ECE2: variants seen among roughly 807,000 people sequenced by gnomAD.
ECE2 encodes the protein endothelin-converting enzyme 2.
ECE2 carries 81 observed loss-of-function variants against 100.6 expected under a neutral mutation model. The observed-to-expected ratio is 0.81, with a 90% CI of 0.67 to 0.97. The LOEUF is 0.97. ECE2 is among the 50% of genes least tolerant of loss of function. ECE2 has a pLI of 0.00. For missense variants in ECE2, 911 were observed against 988.1 expected, an observed-to-expected ratio of 0.92 and a Z score of 1.05; for synonymous variants, 391 against 391.5, an observed-to-expected ratio of 1.00 and a Z score of 0.02.
At chr3:184,283,729 C>G in intron 7 of ECE2, 56 bp from the exon 8 acceptor site, 1 of 1,573,778 alleles carries the variant, frequency 6.4e-7, no homozygotes, top group South Asian at 1.2e-5. Context: ...AAGAACAGAT[C>G]TCAGCCTTGG....
intron 11 of ECE2, 132 bp downstream of exon 11, chr3:184,288,079 G>C: frequency 1.4e-6 from 1 of 727,546 alleles, no homozygotes; most frequent in Non-Finnish European, 2.3e-6. Context: ...GGGAGGCCAA[G>C]GCGGGTGAAT....
At position 184,291,878 on chromosome 3, in the gene ECE2, TG is replaced by T; in HGVS notation, c.2122-180del. ...CTGGGCAGCCACAGCAGGCAGCTTC[TG>T]GGGCTCCGCTTTTTCCCCTCGTCAT... On this transcript the variant is annotated intron_variant, in intron 18 of 18. Coordinates refer to ENST00000404464, the MANE Select transcript of ECE2 (RefSeq NM_001100121.2). The surrounding 1 kb of genome is among the most constrained non-coding windows in gnomAD (Gnocchi z 4.1). 3 of 647,408 alleles carry T rather than the reference TG, an allele frequency of 4.6e-6. No individual in the cohort carries two copies. Among genetic ancestry groups the T allele is most frequent in the Non-Finnish European group, 5.2e-6 (2 of 386,734 alleles). 40.1% of individuals were successfully genotyped at this position (647,408 alleles called of 1,614,324 possible). A position where few individuals can be genotyped will look rare whatever the true frequency, so the allele number is the denominator to read the frequency against.
At chr3:184,282,024 G>A (rs1342296101) in intron 7 of ECE2, among the ~76,000 whole-genome samples, 1 of 151,904 alleles carries the variant, frequency 6.6e-6, no homozygotes, top group African/African-American at 2.4e-5. Context: ...GCTTGAACCC[G>A]GGAGGCGGAG....
At chr3:184,284,431 A>T (rs1404056212) in intron 8 of ECE2, among the ~76,000 whole-genome samples, 3 of 151,500 alleles carry the variant, frequency 2.0e-5, no homozygotes, top group Non-Finnish European at 4.4e-5. Flanking sequence ...AATCCCAGCT[A>T]CTCGGGAGGC....
intron 7 of ECE2, among the ~76,000 whole-genome samples, chr3:184,280,264 C>T (rs1400514860): frequency 6.6e-6 from 1 of 152,174 alleles, no homozygotes; most frequent in Non-Finnish European, 1.5e-5. Context: ...CTCAGCTCTG[C>T]TGCTTGGTGC....
intron 10 of ECE2, among the ~76,000 whole-genome samples, chr3:184,285,919 T>A (rs1471292956): frequency 6.6e-6 from 1 of 152,092 alleles, no homozygotes; most frequent in Non-Finnish European, 1.5e-5. Context: ...TCGGCTTTGA[T>A]GAGGAGGATG....
chr3:184,284,851 C>T lies in ECE2; in HGVS notation c.1006-112C>T, dbSNP rs142875843. On this transcript the variant is annotated intron_variant, in intron 8 of 18. Transcript: ENST00000404464. ...TTACAGGAAGGATACACCATGAAGC[C>T]AGTAGTTGTTGCTATGGCAATGGGA... The T allele has an allele frequency of 1.0e-4, 142 of 1,394,624 alleles. No individual in the cohort carries two copies. In the African/African-American group the frequency reaches 1.5e-3, roughly 14 times the overall value. The allele number at this position is 1,394,624 out of a possible 1,614,324, so 86.4% of individuals were successfully genotyped here.
At position 184,278,492 on chromosome 3, in the gene ECE2, G is replaced by A. The variant is rs1720673156; in HGVS notation, c.751G>A (p.Val251Met). The A allele has an allele frequency of 1.2e-6, 2 of 1,613,710 alleles. No individual in the cohort carries two copies. Among genetic ancestry groups the A allele is most frequent in the Admixed American group, 1.7e-5 (1 of 59,928 alleles). ...TCACCTCCTTTCCTTGACATTGCAGGTGGACCAGTCTGGGCTCTTTCTGCC... is the reference window on the plus strand; with the variant it reads ...TCACCTCCTTTCCTTGACATTGCAGATGGACCAGTCTGGGCTCTTTCTGCC... Reference protein sequence around the residue: ...SKSSNSNVIQVDQSGLFLPSR... With the variant: ...SKSSNSNVIQMDQSGLFLPSR... Residue 251 changes from valine (V) to methionine (M), a missense_variant and splice_region_variant, in exon 7 of 19, where the codon GTG (valine) becomes ATG (methionine). Val to Met is a conservative substitution (Grantham distance 21, BLOSUM62 1). Transcript: ENST00000404464.
At chr3:184,288,197 C>A (rs1673543126) in intron 11 of ECE2, among the ~76,000 whole-genome samples, 1 of 150,620 alleles carries the variant, frequency 6.6e-6, no homozygotes, top group African/African-American at 2.4e-5. Context: ...GTAATCCCAG[C>A]TACTTGGGAG....
rs2272472 is a variant in ECE2 at position 184,277,393 on chromosome 3, C to T, written c.405C>T (p.Pro135=). Residue 135 remains proline (P), a synonymous_variant, in exon 4 of 19, where the codon CCC becomes CCT. Coordinates refer to ENST00000404464, the MANE Select transcript of ECE2 (RefSeq NM_001100121.2). ...CGGWIRRNPL[P]DGRSRWNTFN... ...GCTGGATTCGGAGGAACCCCCTGCCCGATGGGCGTTCTCGCTGGAACACCT... is the reference window on the plus strand; with the variant it reads ...GCTGGATTCGGAGGAACCCCCTGCCTGATGGGCGTTCTCGCTGGAACACCT... The T allele has an allele frequency of 4.1e-4, 659 of 1,614,242 alleles. 4 individuals are homozygous for T. In the East Asian group the frequency reaches 0.011, roughly 26 times the overall value.
In ECE2 at chr3:184,290,365, A is replaced by G; in HGVS notation, c.1655+7A>G. On this transcript the variant is annotated splice_region_variant and intron_variant, in intron 14 of 18. Transcript: ENST00000404464. ...AGCCTCCCAGCCGAGACCAGTGAGA[A>G]TGACGGGGTGGACATAGACACTAGG... 1 of 1,613,314 alleles carries G rather than the reference A, an allele frequency of 6.2e-7. No homozygotes were observed. Among genetic ancestry groups the G allele is most frequent in the Non-Finnish European group, 8.5e-7 (1 of 1,179,374 alleles).
chr3:184,290,611 G>C lies in ECE2; in HGVS notation c.1710G>C (p.Glu570Asp). The C allele has an allele frequency of 6.2e-7, 1 of 1,614,208 alleles. No homozygotes were observed. Among genetic ancestry groups the C allele is most frequent in the South Asian group, 1.1e-5 (1 of 91,076 alleles). Residue 570 changes from glutamate to aspartate, a missense_variant, in exon 15 of 19, where the codon GAG (glutamate) becomes GAC (aspartate). Transcript: ENST00000404464. ...VNAYYLPTKN[E>D]IVFPAGILQA... ...CCTACTACCTTCCAACTAAGAATGA[G>C]ATCGTCTTCCCCGCTGGCATCCTGC... is the stretch of plus-strand genomic sequence containing the variant.
chr3:184,292,461 A>C lies in ECE2; in HGVS notation c.*223A>C. ...CAGAGCCCCCACCATTCACTGTGACATCTTTCCGTGTCACCCTGCCTGGAA... is the reference window on the plus strand; with the variant it reads ...CAGAGCCCCCACCATTCACTGTGACCTCTTTCCGTGTCACCCTGCCTGGAA... On this transcript the variant is annotated 3_prime_UTR_variant, in exon 19 of 19. Coordinates refer to ENST00000404464, the MANE Select transcript of ECE2 (RefSeq NM_001100121.2). The C allele has an allele frequency of 1.7e-6, 1 of 573,538 alleles. No individual in the cohort carries two copies. Among genetic ancestry groups the C allele is most frequent in the Non-Finnish European group, 3.1e-6 (1 of 323,324 alleles). The allele number at this position is 573,538 out of a possible 1,614,324, so 35.5% of individuals were successfully genotyped here. A position where few individuals can be genotyped will look rare whatever the true frequency, so the allele number is the denominator to read the frequency against.
intron 7 of ECE2, 101 bp downstream of exon 7, chr3:184,278,658 C>G: frequency 7.9e-7 from 1 of 1,258,004 alleles, no homozygotes; most frequent in Non-Finnish European, 1.1e-6. Flanking sequence ...GGAAGGTGAG[C>G]CTATCCTGTC....
chr3:184,284,456 C>T (rs547981234), intron 8 of ECE2, among the ~76,000 whole-genome samples: 12 of 150,950 alleles, frequency 7.9e-5, no homozygotes, highest in Admixed American at 6.0e-4. Flanking sequence ...GTAGAAGAAT[C>T]GCTTGAACCT....
intron 7 of ECE2, 149 bp from the exon 8 acceptor site, chr3:184,283,636 G>A (rs936977165): frequency 1.7e-5 from 10 of 593,252 alleles, no homozygotes; most frequent in Non-Finnish European, 2.9e-5. Context: ...ATGGAGGTAA[G>A]CAGTGTGTCA....
chr3:184,276,673 C>T (rs780163260), intron 2 of ECE2, 106 bp downstream of exon 2: 3 of 1,558,500 alleles, frequency 1.9e-6, no homozygotes, highest in East Asian at 2.3e-5. Flanking sequence ...CCCCCACCTC[C>T]GCTCCATCTC....
chr3:184,288,243 G>A (rs1721150264), intron 11 of ECE2, among the ~76,000 whole-genome samples: 1 of 150,356 alleles, frequency 6.7e-6, no homozygotes, highest in African/African-American at 2.5e-5. Context: ...CCAGGAGGCG[G>A]AGGTTGCAGT....
chr3:184,292,312 G>A lies in ECE2; in HGVS notation c.*74G>A. The A allele has an allele frequency of 6.3e-7, 1 of 1,575,292 alleles. No individual in the cohort carries two copies. Among genetic ancestry groups the A allele is most frequent in the South Asian group, 1.2e-5 (1 of 86,166 alleles). On this transcript the variant is annotated 3_prime_UTR_variant, in exon 19 of 19. Transcript: ENST00000404464. Reference sequence around the variant, plus strand: ...TCTCCTGACAAAGCTGTTTGCTCTTGGGTTGGGAGGAAGCAAATGCAAGCT... The same window carrying A: ...TCTCCTGACAAAGCTGTTTGCTCTTAGGTTGGGAGGAAGCAAATGCAAGCT...
Sources: gnomAD v4.1 joint callset for allele counts (sites outside exome capture counted in the v4.1 genomes callset) on GRCh38, gnomAD v4.1.1 for gene constraint, Gnocchi (gnomAD v3.1) non-coding constraint, MANE v1.5 for transcripts, NCBI Gene and HGNC (gene_info 2026-07-23, HGNC 2026-07-21) for gene names.